The following TAFA1 variants were observed in gnomAD, a reference collection of about 807,000 sequenced individuals.
The protein encoded by TAFA1 is TAFA chemokine like family member 1.
In TAFA1, 4 loss-of-function variants were observed where a neutral mutation model predicts 18.5. That is an observed-to-expected ratio of 0.22 (90% CI 0.11 to 0.49). TAFA1 has a LOEUF of 0.49. Ranked by LOEUF, TAFA1 falls within the 20% of genes least tolerant of loss-of-function variation. TAFA1 has a pLI of 0.98. For synonymous variants in TAFA1, 56 were observed against 55.2 expected (o/e 1.01, Z -0.06); for missense variants, 147 against 169.0 (o/e 0.87, Z 0.72).
chr3:68,440,817 C>G (rs2071361393), intron 3 of TAFA1, among the ~76,000 whole-genome samples: 1 of 152,166 alleles, frequency 6.6e-6, no homozygotes, highest in Non-Finnish European at 1.5e-5. Context: ...CTTGATAATA[C>G]AGGTCAGTCA....
chr3:68,359,573 T>C (rs1159807731), intron 2 of TAFA1, among the ~76,000 whole-genome samples: 1 of 151,978 alleles, frequency 6.6e-6, no homozygotes, highest in African/African-American at 2.4e-5. Flanking sequence ...GGGCAGTCTC[T>C]AAAAGCCAGA....
chr3:68,488,507 T>C (rs2072389829), intron 3 of TAFA1, among the ~76,000 whole-genome samples: 1 of 152,154 alleles, frequency 6.6e-6, no homozygotes, highest in Non-Finnish European at 1.5e-5. Context: ...ACCATCACAG[T>C]GTACAAAAAG....
intron 2 of TAFA1, among the ~76,000 whole-genome samples, chr3:68,260,716 T>C (rs2067400580): frequency 1.3e-5 from 2 of 152,124 alleles, no homozygotes; most frequent in South Asian, 4.1e-4. Context: ...TGGCTAGCCA[T>C]ATGTAGAAAG....
chr3:68,057,146 G>A lies in TAFA1; in HGVS notation c.118+50402G>A, dbSNP rs79018886. Among the ~76,000 whole-genome samples, 1,441 of 152,290 alleles carry A rather than the reference G, an allele frequency of 9.5e-3. 25 individuals are homozygous for A. Among genetic ancestry groups the A allele is most frequent in the African/African-American group, 0.032 (1,328 of 41,570 alleles). ...CATCCTCTCCTGAACCTGAATCAAT[G>A]TATATTTCACCCTCTTGAATTGGGA... is the stretch of plus-strand genomic sequence containing the variant. On this transcript the variant is annotated intron_variant, in intron 2 of 4. Transcript: ENST00000478136.
chr3:68,460,068 T>C (rs2071746699), intron 3 of TAFA1, among the ~76,000 whole-genome samples: 1 of 152,110 alleles, frequency 6.6e-6, no homozygotes, highest in Admixed American at 6.5e-5. Flanking sequence ...TCTCCCAGTA[T>C]GGCTAAGAAA....
chr3:68,403,954 C>T (rs1398581552), intron 2 of TAFA1, among the ~76,000 whole-genome samples: 1 of 152,172 alleles, frequency 6.6e-6, no homozygotes, highest in African/African-American at 2.4e-5. Context: ...GAAGAGAAGA[C>T]AGTCATTGGC....
intron 3 of TAFA1, among the ~76,000 whole-genome samples, chr3:68,425,093 C>A (rs1026140172): frequency 2.0e-5 from 3 of 151,960 alleles, no homozygotes; most frequent in Admixed American, 1.3e-4. Flanking sequence ...TCGGGCTCAA[C>A]TGCAGCTTGG....
rs928957105 is a variant in TAFA1 at position 68,286,212 on chromosome 3, A to T, written c.119-131068A>T. ...GTGACAGAGCAAGATTCCATCTAAA[A>T]AATAATAATAATAATCATAACAAAT... is the stretch of plus-strand genomic sequence containing the variant. On this transcript the variant is annotated intron_variant, in intron 2 of 4. Coordinates refer to ENST00000478136, the MANE Select transcript of TAFA1 (RefSeq NM_213609.4). Among the ~76,000 whole-genome samples the T allele has an allele frequency of 3.3e-5, 5 of 152,206 alleles. 1 individual carries two copies. The highest frequency in any genetic ancestry group is 5.9e-5 in the Non-Finnish European group (4 of 68,016).
intron 3 of TAFA1, among the ~76,000 whole-genome samples, chr3:68,433,911 A>G (rs551697769): frequency 1.9e-4 from 29 of 152,210 alleles, no homozygotes; most frequent in South Asian, 1.7e-3. Flanking sequence ...TGGAGAAATT[A>G]AGACAGCACA....
At chr3:68,340,533 C>T (rs1021847860) in intron 2 of TAFA1, among the ~76,000 whole-genome samples, 2 of 152,184 alleles carry the variant, frequency 1.3e-5, no homozygotes, top group Non-Finnish European at 2.9e-5. Context: ...GACTCACCAT[C>T]GCACTCTACT....
intron 3 of TAFA1, among the ~76,000 whole-genome samples, chr3:68,453,693 C>A (rs2071606113): frequency 1.3e-5 from 2 of 152,106 alleles, no homozygotes. Context: ...TAGCAATATG[C>A]CGAAATTGTG....
At chr3:68,392,620 T>A (rs1238791988) in intron 2 of TAFA1, among the ~76,000 whole-genome samples, 1 of 151,984 alleles carries the variant, frequency 6.6e-6, no homozygotes, top group Non-Finnish European at 1.5e-5. Flanking sequence ...AATAAAACAC[T>A]CCTCAGCAAA....
At chr3:68,488,148 C>T (rs1488803402) in intron 3 of TAFA1, among the ~76,000 whole-genome samples, 1 of 152,140 alleles carries the variant, frequency 6.6e-6, no homozygotes, top group Non-Finnish European at 1.5e-5. Flanking sequence ...GGAGTATTGA[C>T]TCACACAATC....
At chr3:68,418,225 G>C (rs1391293161) in intron 3 of TAFA1, among the ~76,000 whole-genome samples, 1 of 152,074 alleles carries the variant, frequency 6.6e-6, no homozygotes, top group Non-Finnish European at 1.5e-5. Flanking sequence ...CAGGTGGGCC[G>C]AGTCCCAAAA....
At chr3:68,206,694 C>T (rs1456274105) in intron 2 of TAFA1, among the ~76,000 whole-genome samples, 1 of 151,912 alleles carries the variant, frequency 6.6e-6, no homozygotes, top group Admixed American at 6.6e-5. Flanking sequence ...TTTCTGTGTG[C>T]AGACAAGAGA....
chr3:68,095,804 A>G lies in TAFA1; in HGVS notation c.118+89060A>G, dbSNP rs193238102. Among the ~76,000 whole-genome samples, 290 of 152,250 alleles carry G rather than the reference A, an allele frequency of 1.9e-3. 3 individuals are homozygous for G. Among genetic ancestry groups the G allele is most frequent in the African/African-American group, 6.3e-3 (263 of 41,564 alleles). On this transcript the variant is annotated intron_variant, in intron 2 of 4. Coordinates refer to ENST00000478136, the MANE Select transcript of TAFA1 (RefSeq NM_213609.4). The stretch of plus-strand genomic sequence containing the variant: ...TAGTTAATTTTAAGGAAGTATGTTT[A>G]ACTTTACTTGTTTATTTTTATTGAT...
At chr3:68,264,693 A>ATCAATGAAAGTCTTTC (rs1470916972) in intron 2 of TAFA1, among the ~76,000 whole-genome samples, 2 of 152,058 alleles carry the variant, frequency 1.3e-5, no homozygotes, top group African/African-American at 4.8e-5. Context: ...GAAAGTCTTT[A>ATCAATGAAAGTCTTTC]TAGAAAGTAT....
At chr3:68,098,979 A>T (rs1295547488) in intron 2 of TAFA1, among the ~76,000 whole-genome samples, 1 of 152,106 alleles carries the variant, frequency 6.6e-6, no homozygotes, top group Non-Finnish European at 1.5e-5. Flanking sequence ...CTGAACTCCT[A>T]CTTCTCACCA....
In TAFA1 at chr3:68,059,631, AG is replaced by A. The variant is rs539536998; in HGVS notation, c.118+52891del. On this transcript the variant is annotated intron_variant, in intron 2 of 4. Coordinates refer to ENST00000478136, the MANE Select transcript of TAFA1 (RefSeq NM_213609.4). ...AGTATCTTGACCTCTACAGTAAGAA[AG>A]GGGCACTCAGTGTGTGTCTGCACAA... Among the ~76,000 whole-genome samples, 12 of 152,308 alleles carry A rather than the reference AG, an allele frequency of 7.9e-5. No homozygotes were observed. In the South Asian group the frequency reaches 2.3e-3, roughly 29 times the overall value.
Sources: allele counts gnomAD v4.1 joint callset (sites outside exome capture counted in the v4.1 genomes callset), GRCh38; gene constraint gnomAD v4.1.1; transcripts MANE v1.5; gene names NCBI Gene and HGNC (gene_info 2026-07-23, HGNC 2026-07-21).